PRKCA: variants seen among roughly 807,000 people sequenced by gnomAD.
PRKCA encodes the protein protein kinase C alpha type.
PRKCA carries 27 observed loss-of-function variants against 87.0 expected under a neutral mutation model. The observed-to-expected ratio is 0.31, with a 90% confidence interval of 0.23 to 0.43. The LOEUF (loss-of-function observed/expected upper bound fraction) is 0.43. Among genes scored for constraint, PRKCA ranks in the 20% least tolerant of loss-of-function variants. PRKCA has a pLI of 1.00. For synonymous variants in PRKCA, 329 were observed against 311.1 expected (o/e 1.06, Z -0.61); for missense variants, 518 against 852.3 (o/e 0.61, Z 4.88).
chr17:66,503,682 G>C (rs1367954731), intron 3 of PRKCA, among the ~76,000 whole-genome samples: 1 of 152,094 alleles, frequency 6.6e-6, no homozygotes, highest in African/African-American at 2.4e-5. Context: ...ACAATCTTGA[G>C]AATTCTCTCT....
intron 5 of PRKCA, 141 bp from the exon 6 acceptor site, chr17:66,686,970 T>C: frequency 4.1e-6 from 3 of 733,902 alleles, no homozygotes; most frequent in Non-Finnish European, 6.7e-6. Flanking sequence ...ATGTCGAGTG[T>C]TAGAGGCTTT....
intron 8 of PRKCA, among the ~76,000 whole-genome samples, chr17:66,719,151 G>T (rs1255736485): frequency 6.6e-6 from 1 of 152,088 alleles, no homozygotes; most frequent in Admixed American, 6.5e-5. Context: ...CCACAAAATT[G>T]TTCATCTGCA....
intron 14 of PRKCA, chr17:66,774,805 T>C (rs1975011741): frequency 1.0e-6 from 1 of 985,440 alleles, no homozygotes; most frequent in African/African-American, 1.7e-5. Flanking sequence ...AGTGTTTTAA[T>C]AGTTTCTCCC....
At chr17:66,339,905 C>A (rs1392350962) in intron 2 of PRKCA, 1 of 152,100 alleles carries the variant, frequency 6.6e-6, no homozygotes, top group East Asian at 1.9e-4. Context: ...TTGAAATCTG[C>A]CAATTAATGA....
In PRKCA at chr17:66,349,991, C is replaced by T. The variant is rs542273746; in HGVS notation, c.205+43864C>T. 5.9e-5 allele frequency among the ~76,000 whole-genome samples: 9 copies of T among 151,814 alleles called. No individual in the cohort carries two copies. In the South Asian group the frequency reaches 1.9e-3, roughly 32 times the overall value. On this transcript the variant is annotated intron_variant, in intron 2 of 16. Transcript: ENST00000413366. ...AAAAAAAGTCCACCCTAGGAGCCGGCGTGTGTGGGGAAAGGAGAGAGGGGG... is the reference window on the plus strand; with the variant it reads ...AAAAAAAGTCCACCCTAGGAGCCGGTGTGTGTGGGGAAAGGAGAGAGGGGG...
chr17:66,439,584 A>G (rs1482628775), intron 2 of PRKCA, among the ~76,000 whole-genome samples: 2 of 152,184 alleles, frequency 1.3e-5, no homozygotes, highest in Non-Finnish European at 2.9e-5. Context: ...GTGTCTCTCA[A>G]ATAGCTCTGC....
intron 3 of PRKCA, among the ~76,000 whole-genome samples, chr17:66,574,755 C>T (rs938422346): frequency 2.0e-5 from 3 of 151,530 alleles, no homozygotes; most frequent in African/African-American, 7.3e-5. Flanking sequence ...ATTCCAAGCA[C>T]TTCTGGTCCC....
intron 13 of PRKCA, among the ~76,000 whole-genome samples, chr17:66,757,207 G>A (rs947570990): frequency 3.5e-5 from 5 of 144,866 alleles, no homozygotes; most frequent in African/African-American, 5.1e-5. Context: ...CTTCCAAAAC[G>A]GAAAAGCAAA....
At chr17:66,605,506 A>T (rs2143608123) in intron 3 of PRKCA, among the ~76,000 whole-genome samples, 1 of 152,360 alleles carries the variant, frequency 6.6e-6, no homozygotes, top group South Asian at 2.1e-4. Flanking sequence ...AACTTCTGGA[A>T]TGTACATTGG....
intron 3 of PRKCA, among the ~76,000 whole-genome samples, chr17:66,546,822 G>C (rs1468947023): frequency 2.0e-5 from 3 of 152,096 alleles, no homozygotes; most frequent in African/African-American, 7.2e-5. Context: ...TGTTTTGTTT[G>C]TGGTTGATCT....
intron 3 of PRKCA, among the ~76,000 whole-genome samples, chr17:66,614,539 A>G (rs2143658347): frequency 6.6e-6 from 1 of 152,296 alleles, no homozygotes; most frequent in East Asian, 1.9e-4. Flanking sequence ...TGTTTATCTC[A>G]TGCCAAATAT....
intron 8 of PRKCA, among the ~76,000 whole-genome samples, chr17:66,697,008 C>G (rs1260332605): frequency 6.6e-6 from 1 of 152,100 alleles, no homozygotes; most frequent in Non-Finnish European, 1.5e-5. Flanking sequence ...TCAAGTCAAC[C>G]CCCTCATAAT....
At chr17:66,376,791 G>A (rs1909444051) in intron 2 of PRKCA, among the ~76,000 whole-genome samples, 1 of 152,032 alleles carries the variant, frequency 6.6e-6, no homozygotes, top group African/African-American at 2.4e-5. Context: ...GATGGGTGGG[G>A]GTCCCCATGT....
chr17:66,347,465 G>T (rs1270817405), intron 2 of PRKCA, among the ~76,000 whole-genome samples: 1 of 152,200 alleles, frequency 6.6e-6, no homozygotes, highest in Non-Finnish European at 1.5e-5. Context: ...TTTCTCAAAG[G>T]TTGGTTGCAA....
chr17:66,372,423 T>C (rs1429544023), intron 2 of PRKCA, among the ~76,000 whole-genome samples: 1 of 152,158 alleles, frequency 6.6e-6, no homozygotes, highest in African/African-American at 2.4e-5. Flanking sequence ...TACTGATGAA[T>C]CACTAGGTTT....
At chr17:66,500,802 G>T (rs962762132) in intron 3 of PRKCA, among the ~76,000 whole-genome samples, 1 of 152,194 alleles carries the variant, frequency 6.6e-6, no homozygotes, top group African/African-American at 2.4e-5. Context: ...TTATCCTCCA[G>T]TCCTTTTCAG....
At chr17:66,517,638 T>C (rs553379076) in intron 3 of PRKCA, among the ~76,000 whole-genome samples, 1 of 152,324 alleles carries the variant, frequency 6.6e-6, no homozygotes, top group East Asian at 1.9e-4. Context: ...GAATTTCTGT[T>C]CTAACTTTTT....
chr17:66,327,132 A>C (rs1354921836), intron 2 of PRKCA, among the ~76,000 whole-genome samples: 4 of 151,992 alleles, frequency 2.6e-5, no homozygotes, highest in African/African-American at 9.7e-5. Context: ...GCACTTTGGG[A>C]GGCAGAGGCG....
intron 2 of PRKCA, among the ~76,000 whole-genome samples, chr17:66,428,153 C>T (rs1345099925): frequency 6.6e-6 from 1 of 152,166 alleles, no homozygotes; most frequent in Non-Finnish European, 1.5e-5. Flanking sequence ...CGATTCCACT[C>T]TCTGTGGCTG....
Sources: allele counts gnomAD v4.1 joint callset (sites outside exome capture counted in the v4.1 genomes callset), GRCh38; gene constraint gnomAD v4.1.1; transcripts MANE v1.5; gene names NCBI Gene and HGNC (gene_info 2026-07-23, HGNC 2026-07-21).